The following RYR2 variants were observed in gnomAD, a reference collection of about 807,000 sequenced individuals.
The protein encoded by RYR2 is ryanodine receptor 2.
In RYR2, 227 loss-of-function variants were observed where a neutral mutation model predicts 601.1. The ratio of observed to expected loss-of-function variants is 0.38; its 90% confidence interval spans 0.34 to 0.42. The LOEUF (loss-of-function observed/expected upper bound fraction) is 0.42. Ranked by LOEUF, RYR2 falls within the 10% of genes least tolerant of loss-of-function variation. RYR2 has a pLI of 1.00. For missense variants in RYR2, 4,646 were observed against 6,156.5 expected, an observed-to-expected ratio of 0.75 and a Z score of 8.21; for synonymous variants, 2,223 against 2,175.1, an observed-to-expected ratio of 1.02 and a Z score of -0.61.
At position 237,807,351 on chromosome 1, in the gene RYR2, CTTTG is replaced by C. The variant is rs770808616; in HGVS notation, c.14298+1080_14298+1083del. 4.9e-4 allele frequency among the ~76,000 whole-genome samples: 75 copies of C among 152,104 alleles called. 2 individuals carry two copies. The highest frequency in any genetic ancestry group is 5.8e-4 in the East Asian group (3 of 5,174). On this transcript the variant is annotated intron_variant, in intron 99 of 104. Coordinates refer to ENST00000366574, the MANE Select transcript of RYR2 (RefSeq NM_001035.3). ...GTTTCTTTTTGAGGGATCAAATTTT[CTTTG>C]TTTGTTTGTTTTTAAGACAGAGTCT...
In RYR2 at chr1:237,569,271, G is replaced by A. The variant is rs1672411657; in HGVS notation, c.3550G>A (p.Asp1184Asn). Residue 1184 changes from aspartate (D) to asparagine (N), a missense_variant, in exon 29 of 105, where the codon GAT becomes AAT. Coordinates refer to ENST00000366574, the MANE Select transcript of RYR2 (RefSeq NM_001035.3). Reference sequence around the variant, plus strand: ...CACACTGAATGGTGAAATCCTTCTTGATGATTCAGGCTCAGAACTGGCTTT... The same window carrying A: ...CACACTGAATGGTGAAATCCTTCTTAATGATTCAGGCTCAGAACTGGCTTT... The part of the protein sequence containing the change: ...MFTLNGEILL[D>N]DSGSELAFKD... 1 of 1,613,884 alleles carries A rather than the reference G, an allele frequency of 6.2e-7. No homozygotes were observed. Among genetic ancestry groups the A allele is most frequent in the Non-Finnish European group, 8.5e-7 (1 of 1,179,866 alleles).
At chr1:237,206,224 G>A (rs886204946) in intron 1 of RYR2, among the ~76,000 whole-genome samples, 1 of 152,182 alleles carries the variant, frequency 6.6e-6, no homozygotes, top group Non-Finnish European at 1.5e-5. Flanking sequence ...GGAGGGAGGT[G>A]AGTCATCACC....
At chr1:237,627,446 A>G (rs1383276164) in intron 40 of RYR2, among the ~76,000 whole-genome samples, 1 of 152,210 alleles carries the variant, frequency 6.6e-6, no homozygotes, top group African/African-American at 2.4e-5. Flanking sequence ...TTCTGGGAAG[A>G]AAATAATAGA....
intron 17 of RYR2, among the ~76,000 whole-genome samples, chr1:237,484,346 T>C (rs1662445488): frequency 1.3e-5 from 2 of 152,148 alleles, no homozygotes; most frequent in African/African-American, 2.4e-5. Flanking sequence ...GTTGTAACCA[T>C]AGATGAGAAA....
At chr1:237,830,276 A>G (rs1251393260) in intron 102 of RYR2, 5 of 333,790 alleles carry the variant, frequency 1.5e-5, no homozygotes, top group Admixed American at 1.4e-4. Context: ...CTTTTCAGCC[A>G]TCATCATCAT....
chr1:237,758,060 T>C (rs1013364623), intron 82 of RYR2, among the ~76,000 whole-genome samples: 2 of 152,182 alleles, frequency 1.3e-5, no homozygotes, highest in Non-Finnish European at 2.9e-5. Context: ...CACCATGCGT[T>C]TACCAAACTG....
intron 94 of RYR2, among the ~76,000 whole-genome samples, chr1:237,793,632 CTA>C (rs1319131049): frequency 6.6e-6 from 1 of 152,120 alleles, no homozygotes; most frequent in African/African-American, 2.4e-5. Context: ...CTATAAGACC[CTA>C]TGTGTTTAAA....
intron 2 of RYR2, among the ~76,000 whole-genome samples, chr1:237,274,483 GT>G (rs1365909439): frequency 6.6e-6 from 1 of 152,070 alleles, no homozygotes; most frequent in African/African-American, 2.4e-5. Context: ...ATACAGCTGT[GT>G]TTGTATTTTA....
At chr1:237,439,759 G>A (rs1428451495) in intron 12 of RYR2, among the ~76,000 whole-genome samples, 6 of 151,560 alleles carry the variant, frequency 4.0e-5, no homozygotes, top group East Asian at 1.9e-4. Context: ...TAATGTTTAC[G>A]TGACTTCTTA....
intron 28 of RYR2, 39 bp downstream of exon 28, chr1:237,566,814 C>CCTCCAGCACGTACAGA: frequency 6.2e-7 from 1 of 1,602,866 alleles, no homozygotes; most frequent in Non-Finnish European, 8.5e-7. Context: ...TCTGTACGTG[C>CCTCCAGCACGTACAGA]TGGAGGCTCA....
chr1:237,165,703 A>C (rs1676626568), intron 1 of RYR2, among the ~76,000 whole-genome samples: 1 of 152,090 alleles, frequency 6.6e-6, no homozygotes, highest in South Asian at 2.1e-4. Flanking sequence ...CATCTCTACA[A>C]AGAAACTAAA....
At chr1:237,779,779 C>G (rs1347511631) in intron 88 of RYR2, among the ~76,000 whole-genome samples, 3 of 152,112 alleles carry the variant, frequency 2.0e-5, no homozygotes, top group East Asian at 3.8e-4. Flanking sequence ...GCTATTGCAA[C>G]AAGGAAAAAG....
intron 24 of RYR2, among the ~76,000 whole-genome samples, chr1:237,513,866 GT>G (rs1341766734): frequency 2.6e-5 from 4 of 152,190 alleles, no homozygotes; most frequent in Non-Finnish European, 4.4e-5. Flanking sequence ...CCATTGTTAA[GT>G]GATGTATAAC....
intron 1 of RYR2, among the ~76,000 whole-genome samples, chr1:237,260,041 G>C (rs1688367906): frequency 6.6e-6 from 1 of 152,200 alleles, no homozygotes; most frequent in Non-Finnish European, 1.5e-5. Context: ...ACAAGGCAAA[G>C]TGTGTAGTGT....
chr1:237,234,119 ATG>A (rs1364134721), intron 1 of RYR2, among the ~76,000 whole-genome samples: 1 of 152,192 alleles, frequency 6.6e-6, no homozygotes. Context: ...CGCATGGAGT[ATG>A]TGTTTTCCTT....
At chr1:237,470,526 G>T (rs568225971) in intron 17 of RYR2, among the ~76,000 whole-genome samples, 8 of 152,302 alleles carry the variant, frequency 5.3e-5, no homozygotes, top group Admixed American at 2.0e-4. Context: ...TTGGGCAGCA[G>T]AAGTAAGATA....
At chr1:237,597,541 A>G (rs909786698) in intron 34 of RYR2, among the ~76,000 whole-genome samples, 1 of 151,808 alleles carries the variant, frequency 6.6e-6, no homozygotes, top group Non-Finnish European at 1.5e-5. Flanking sequence ...CGGCCTCCCA[A>G]AGTGCTGGGA....
At chr1:237,737,726 G>A (rs531013854) in intron 79 of RYR2, among the ~76,000 whole-genome samples, 1 of 152,330 alleles carries the variant, frequency 6.6e-6, no homozygotes, top group South Asian at 2.1e-4. Flanking sequence ...TCAGTTGGTA[G>A]TGTGCAGCTG....
In RYR2 at chr1:237,654,308, A is replaced by T. The variant is rs1683039143; in HGVS notation, c.7859A>T (p.Tyr2620Phe). 6.2e-7 allele frequency: 1 copy of T among 1,613,930 alleles called. No homozygotes were observed. The highest frequency in any genetic ancestry group is 8.5e-7 in the Non-Finnish European group (1 of 1,179,854). Residue 2620 changes from tyrosine (Y) to phenylalanine (F), a missense_variant, in exon 52 of 105, where the codon TAT becomes TTT. Physicochemically the swap from Tyr to Phe is conservative, Grantham distance 22 (BLOSUM62 3). Coordinates refer to ENST00000366574, the MANE Select transcript of RYR2 (RefSeq NM_001035.3). ...AATCATTATGAAAGATGCTGGAAAT[A>T]TTACTGCCTGCCTGGAGGGTGGGGA... ...LTNHYERCWK[Y>F]YCLPGGWGNF...
Sources: gnomAD v4.1 joint callset for allele counts (sites outside exome capture counted in the v4.1 genomes callset) on GRCh38, gnomAD v4.1.1 for gene constraint, MANE v1.5 for transcripts, NCBI Gene and HGNC (gene_info 2026-07-23, HGNC 2026-07-21) for gene names.